The following CFAP95 variants were observed in gnomAD, a reference collection of about 807,000 sequenced individuals.
CFAP95 encodes cilia and flagella associated protein 95.
the CFAP95 span, among the ~76,000 whole-genome samples, chr9:69,843,577 T>C: frequency 5.1e-5 from 2 of 38,968 alleles, no homozygotes; most frequent in Non-Finnish European, 4.4e-5. Flanking sequence ...CTTCTTCTTC[T>C]TCTTCTTCTT....
the CFAP95 span, among the ~76,000 whole-genome samples, chr9:69,867,941 TC>T: frequency 1.5e-4 from 23 of 152,304 alleles, no homozygotes; most frequent in African/African-American, 5.5e-4. Context: ...AGCTAATCAT[TC>T]CACAGAATAA....
the CFAP95 span, among the ~76,000 whole-genome samples, chr9:69,845,967 C>T: frequency 1.2e-4 from 18 of 152,320 alleles, no homozygotes; most frequent in Non-Finnish European, 2.4e-4. Flanking sequence ...ACTCAGTCAA[C>T]ATCCACTTGC....
At chr9:69,879,300 G>A in the CFAP95 span, among the ~76,000 whole-genome samples, 1 of 152,076 alleles carries the variant, frequency 6.6e-6, no homozygotes. Flanking sequence ...AATTTCCTTT[G>A]GTTAATATTT....
chr9:69,837,759 G>T, the CFAP95 span, among the ~76,000 whole-genome samples: 1 of 152,112 alleles, frequency 6.6e-6, no homozygotes, highest in African/African-American at 2.4e-5. Context: ...GTCAATTTTG[G>T]CTTTTGCTGC....
At chr9:69,843,642 CCTT>C in the CFAP95 span, among the ~76,000 whole-genome samples, 2 of 121,678 alleles carry the variant, frequency 1.6e-5, no homozygotes, top group African/African-American at 3.3e-5. Context: ...TCCTCCTCCT[CCTT>C]CTTTCTTCTT....
the CFAP95 span, chr9:69,844,642 A>C: frequency 3.8e-6 from 6 of 1,566,836 alleles, no homozygotes; most frequent in Non-Finnish European, 5.2e-6. Context: ...AGTTGCTATT[A>C]CTTCGTTTGA....
the CFAP95 span, among the ~76,000 whole-genome samples, chr9:69,854,307 G>A: frequency 6.6e-6 from 1 of 152,182 alleles, no homozygotes; most frequent in Non-Finnish European, 1.5e-5. Context: ...ATTTAGAACA[G>A]TTTCTGGCCA....
At chr9:69,903,161 C>A in the CFAP95 span, among the ~76,000 whole-genome samples, 2 of 152,142 alleles carry the variant, frequency 1.3e-5, no homozygotes, top group East Asian at 1.9e-4. Flanking sequence ...TGGTGTCATG[C>A]TAGATTGGTT....
the CFAP95 span, among the ~76,000 whole-genome samples, chr9:69,846,102 A>G: frequency 6.6e-6 from 1 of 152,158 alleles, no homozygotes; most frequent in Non-Finnish European, 1.5e-5. Context: ...TCCTTAAAAA[A>G]CATTTATTTT....
chr9:69,853,050 G>A, the CFAP95 span, among the ~76,000 whole-genome samples: 23 of 152,182 alleles, frequency 1.5e-4, no homozygotes, highest in East Asian at 2.1e-3. Flanking sequence ...GCATGAAAAC[G>A]GACCAATACA....
the CFAP95 span, chr9:69,844,764 GCTGAAGCAACATTAC>G: frequency 1.7e-6 from 1 of 573,298 alleles, no homozygotes; most frequent in South Asian, 2.8e-5. Flanking sequence ...GTCACTGTGT[GCTGAAGCAACATTAC>G]CTGTAAAATG....
At chr9:69,861,253 A>C in the CFAP95 span, among the ~76,000 whole-genome samples, 1 of 152,174 alleles carries the variant, frequency 6.6e-6, no homozygotes, top group Non-Finnish European at 1.5e-5. Context: ...TTCATAGTAC[A>C]TACTGTACAG....
the CFAP95 span, among the ~76,000 whole-genome samples, chr9:69,825,824 A>G: frequency 0.047 from 7,219 of 152,244 alleles, 563 homozygotes; most frequent in African/African-American, 0.16. Context: ...TCTGGTAACA[A>G]GTGATAATAA....
the CFAP95 span, among the ~76,000 whole-genome samples, chr9:69,893,973 A>T: frequency 1.3e-5 from 2 of 152,208 alleles, no homozygotes; most frequent in Non-Finnish European, 2.9e-5. Context: ...CAAATAAGGT[A>T]GTGGTAGGGG....
chr9:69,823,155 C>G, the CFAP95 span, among the ~76,000 whole-genome samples: 27 of 152,168 alleles, frequency 1.8e-4, no homozygotes, highest in African/African-American at 6.5e-4. Context: ...AAAGGCAAAG[C>G]AAGCACCTTC....
chr9:69,844,801 C>T, the CFAP95 span, among the ~76,000 whole-genome samples: 1 of 152,194 alleles, frequency 6.6e-6, no homozygotes. Context: ...GCCTACCTCA[C>T]AAAGTGATTG....
the CFAP95 span, among the ~76,000 whole-genome samples, chr9:69,890,773 T>C: frequency 3.9e-4 from 59 of 152,356 alleles, no homozygotes; most frequent in African/African-American, 1.3e-3. Flanking sequence ...TTAATTTTTA[T>C]ATTATGGTCT....
chr9:69,870,813 G>A, the CFAP95 span, among the ~76,000 whole-genome samples: 3 of 152,198 alleles, frequency 2.0e-5, no homozygotes, highest in Non-Finnish European at 2.9e-5. Context: ...GGGAGGTCAG[G>A]AAAGGCTTCT....
At chr9:69,883,218 T>G in the CFAP95 span, among the ~76,000 whole-genome samples, 22 of 152,296 alleles carry the variant, frequency 1.4e-4, 1 homozygote, top group African/African-American at 5.3e-4. Context: ...TGAGAGGGGC[T>G]TCTGGCCGAT....
Sources: gnomAD v4.1 joint callset for allele counts (sites outside exome capture counted in the v4.1 genomes callset) on GRCh38, gnomAD v4.1.1 for gene constraint, MANE v1.5 for transcripts, NCBI Gene and HGNC (gene_info 2026-07-23, HGNC 2026-07-21) for gene names.